Variants in ZNF382 observed in about 807,000 individuals in gnomAD.
ZNF382 encodes KRAB/zinc finger suppressor protein 1.
Under a neutral mutation model 38.8 loss-of-function variants are expected in ZNF382, and 20 were observed. The observed-to-expected ratio is 0.51, with a 90% CI of 0.36 to 0.75. ZNF382 has a LOEUF of 0.75. Among genes scored for constraint, ZNF382 ranks in the 30% least tolerant of loss-of-function variants. ZNF382 has a pLI of 0.00. For synonymous variants in ZNF382, 202 were observed against 223.1 expected, an observed-to-expected ratio of 0.91 and a Z score of 0.84; for missense variants, 546 against 654.1, an observed-to-expected ratio of 0.83 and a Z score of 1.80.
In ZNF382 at chr19:36,627,181, A is replaced by T; in HGVS notation, c.1284A>T (p.Arg428Ser). ...AGACAACCCTCACTGTTCATCAGAG[A>T]ACTCACACAGGAGAGAAACCCTATA... ...IQKTTLTVHQ[R>S]THTGEKPYIC... The change falls in exon 5 of 5, where the codon AGA (arginine) becomes AGT (serine). Residue 428 changes from arginine (R) to serine (S), a missense_variant. Coordinates refer to ENST00000292928, the MANE Select transcript of ZNF382 (RefSeq NM_032825.5). 1.9e-6 allele frequency: 3 copies of T among 1,614,204 alleles called. No individual in the cohort carries two copies. The highest frequency in any genetic ancestry group is 1.7e-6 in the Non-Finnish European group (2 of 1,180,032).
intron 4 of ZNF382, among the ~76,000 whole-genome samples, chr19:36,614,164 A>T (rs2037102177): frequency 6.6e-6 from 1 of 151,970 alleles, no homozygotes; most frequent in Non-Finnish European, 1.5e-5. Context: ...ACATGGTGAA[A>T]CTCCGTCTCT....
chr19:36,621,539 G>A (rs921601664), intron 4 of ZNF382, among the ~76,000 whole-genome samples: 12 of 151,246 alleles, frequency 7.9e-5, no homozygotes, highest in South Asian at 2.1e-4. Context: ...TCAGCCCCCC[G>A]AATTCATGGC....
intron 4 of ZNF382, among the ~76,000 whole-genome samples, 162 bp downstream of exon 4, chr19:36,610,904 C>T (rs117823795): frequency 4.9e-4 from 74 of 152,332 alleles, no homozygotes; most frequent in Non-Finnish European, 8.8e-4. Flanking sequence ...CAAGTACATT[C>T]GCACTGTTGT....
At chr19:36,614,312 C>T (rs2037103752) in intron 4 of ZNF382, among the ~76,000 whole-genome samples, 1 of 152,134 alleles carries the variant, frequency 6.6e-6, no homozygotes, top group Non-Finnish European at 1.5e-5. Context: ...TGCACTCCAG[C>T]CTGGGCAACA....
chr19:36,605,431 T>G (rs2037009444), intron 1 of ZNF382, 84 bp downstream of exon 1: 1 of 151,842 alleles, frequency 6.6e-6, no homozygotes, highest in African/African-American at 2.4e-5. Flanking sequence ...CGGAACCGGG[T>G]GGGGAGGCCA....
At chr19:36,624,575 G>C (rs989304908) in intron 4 of ZNF382, among the ~76,000 whole-genome samples, 1 of 152,134 alleles carries the variant, frequency 6.6e-6, no homozygotes, top group Non-Finnish European at 1.5e-5. Flanking sequence ...ATACATTGAA[G>C]AATCCAGTCC....
rs1487078075 is a variant in ZNF382, at chr19:36,634,074, GT to G, written c.*6525del. On this transcript the variant is annotated 3_prime_UTR_variant, in exon 5 of 5. Coordinates refer to ENST00000292928, the MANE Select transcript of ZNF382 (RefSeq NM_032825.5). ...TACAAAAAAGTGAATTGTACTGTCT[GT>G]AATTTTTTTAAATAAATAAAAATCC... 1 of 152,148 alleles carries G rather than the reference GT, an allele frequency of 6.6e-6. No individual in the cohort carries two copies. The highest frequency in any genetic ancestry group is 2.4e-5 in the African/African-American group (1 of 41,448). 9.4% of individuals were successfully genotyped at this position (152,148 alleles called of 1,614,324 possible).
intron 3 of ZNF382, 90 bp from the exon 4 acceptor site, chr19:36,610,560 A>G: frequency 1.0e-6 from 1 of 982,666 alleles, no homozygotes; most frequent in Non-Finnish European, 1.5e-6. Context: ...TGTATACCTC[A>G]TTTACTACCT....
chr19:36,619,816 C>T (rs1243028982), intron 4 of ZNF382, among the ~76,000 whole-genome samples: 2 of 151,848 alleles, frequency 1.3e-5, no homozygotes, highest in Admixed American at 6.6e-5. Flanking sequence ...CTGCAAGCTC[C>T]GCCTCCCGAG....
At chr19:36,610,513 T>C (rs1028416111) in intron 3 of ZNF382, 137 bp from the exon 4 acceptor site, 15 of 572,556 alleles carry the variant, frequency 2.6e-5, no homozygotes, top group Non-Finnish European at 4.3e-5. Context: ...TATCATCACT[T>C]GTGTAGTGTA....
chr19:36,617,018 G>GTTC, intron 4 of ZNF382, among the ~76,000 whole-genome samples: 1 of 152,218 alleles, frequency 6.6e-6, no homozygotes, highest in Admixed American at 6.5e-5. Context: ...AGTGGGAAAA[G>GTTC]AGAGGTCTTA....
chr19:36,607,307 C>A (rs2037042120), intron 1 of ZNF382, among the ~76,000 whole-genome samples: 1 of 152,100 alleles, frequency 6.6e-6, no homozygotes, highest in African/African-American at 2.4e-5. Flanking sequence ...TGTTCCCTCT[C>A]TTCAAGCTAA....
At chr19:36,622,295 A>G (rs1251226446) in intron 4 of ZNF382, among the ~76,000 whole-genome samples, 4 of 152,142 alleles carry the variant, frequency 2.6e-5, no homozygotes, top group African/African-American at 7.2e-5. Context: ...TGCTGGAATT[A>G]CAGGCATGAG....
At position 36,633,024 on chromosome 19, in the gene ZNF382, T is replaced by C. The variant is rs1353474186; in HGVS notation, c.*5474T>C. 1 of 150,794 alleles carries C rather than the reference T, an allele frequency of 6.6e-6. No individual in the cohort carries two copies. The highest frequency in any genetic ancestry group is 3.2e-3 in the Middle Eastern group (1 of 316). 9.3% of individuals were successfully genotyped at this position (150,794 alleles called of 1,614,324 possible). A position where few individuals can be genotyped will look rare whatever the true frequency, so the allele number is the denominator to read the frequency against. On this transcript the variant is annotated 3_prime_UTR_variant, in exon 5 of 5. Transcript: ENST00000292928. ...ATGCACCTGGGATGTTCTAGATATT[T>C]ATCAGTTTATAATCAGGCTTTTTTT... is the stretch of plus-strand genomic sequence containing the variant.
chr19:36,610,712 CAG>C lies in ZNF382; in HGVS notation c.206_207del (p.Arg69AsnfsTer15), dbSNP rs1226489594. On this transcript the variant is annotated frameshift_variant, in exon 4 of 5. Coordinates refer to ENST00000292928, the MANE Select transcript of ZNF382 (RefSeq NM_032825.5). LOFTEE classifies it low-confidence loss of function (END_TRUNC). The part of the protein sequence containing the change: ...KLEQGEELWT[Q>X]RIFPSYSYLE... ...GGAACAAGGAGAAGAGCTATGGACA[CAG>C]AGAATTTTTCCAAGTTACAGCTACC... is the stretch of plus-strand genomic sequence containing the variant. 7 of 1,612,900 alleles carry C rather than the reference CAG, an allele frequency of 4.3e-6. No homozygotes were observed. The highest frequency in any genetic ancestry group is 5.1e-6 in the Non-Finnish European group (6 of 1,179,382).
rs552017063 is a variant in ZNF382, at chr19:36,629,617, T to G, written c.*2067T>G. Reference sequence around the variant, plus strand: ...TTTATTAAAAGGGAAAAGTAATTTTTTAGTATCTGTTAATATATAATAAAA... The same window carrying G: ...TTTATTAAAAGGGAAAAGTAATTTTGTAGTATCTGTTAATATATAATAAAA... On this transcript the variant is annotated 3_prime_UTR_variant, in exon 5 of 5. Transcript: ENST00000292928. 1 of 152,326 alleles carries G rather than the reference T, an allele frequency of 6.6e-6. No homozygotes were observed. The highest frequency in any genetic ancestry group is 1.9e-4 in the East Asian group (1 of 5,184). The allele number at this position is 152,326 out of a possible 1,614,324, so 9.4% of individuals were successfully genotyped here.
rs1282630625 is a variant in ZNF382 at position 36,633,322 on chromosome 19, GC to G, written c.*5774del. 6.8e-6 allele frequency: 1 copy of G among 147,182 alleles called. No homozygotes were observed. The highest frequency in any genetic ancestry group is 1.5e-5 in the Non-Finnish European group (1 of 68,074). The allele number at this position is 147,182 out of a possible 1,614,324, so 9.1% of individuals were successfully genotyped here. Reference sequence around the variant, plus strand: ...CAAAGTGCTGGGATTACAGGCGTGAGCCACCGCACCCGGCCTATAATCGGAC... The same window carrying G: ...CAAAGTGCTGGGATTACAGGCGTGAGCACCGCACCCGGCCTATAATCGGAC... On this transcript the variant is annotated 3_prime_UTR_variant, in exon 5 of 5. Transcript: ENST00000292928.
intron 2 of ZNF382, chr19:36,608,763 C>G (rs1175363979): frequency 6.6e-6 from 1 of 152,270 alleles, no homozygotes; most frequent in Non-Finnish European, 1.5e-5. Context: ...CCAAAGCTTA[C>G]CTCATTACTT....
chr19:36,607,456 T>C, intron 1 of ZNF382, 96 bp from the exon 2 acceptor site: 1 of 731,268 alleles, frequency 1.4e-6, no homozygotes, highest in Non-Finnish European at 2.3e-6. Flanking sequence ...AGTGCTGAAA[T>C]AGTGAACATT....
Sources: allele counts gnomAD v4.1 joint callset (sites outside exome capture counted in the v4.1 genomes callset), GRCh38; gene constraint gnomAD v4.1.1; transcripts MANE v1.5; gene names NCBI Gene and HGNC (gene_info 2026-07-23, HGNC 2026-07-21).